CC2D2B: variants seen among roughly 807,000 people sequenced by gnomAD.
CC2D2B encodes protein CC2D2B.
In CC2D2B, 128 loss-of-function variants were observed where a neutral mutation model predicts 161.2. That is an observed-to-expected ratio of 0.79 (90% CI 0.69 to 0.92). The LOEUF is 0.92. Ranked by LOEUF, CC2D2B falls within the 40% of genes least tolerant of loss-of-function variation. The probability of loss-of-function intolerance (pLI) is 0.00; values close to 1 mark genes in which losing one functional copy is unlikely to be tolerated. For missense variants in CC2D2B, 1,173 were observed against 1,375.1 expected (o/e 0.85, Z 2.32); for synonymous variants, 391 against 449.8 (o/e 0.87, Z 1.65).
intron 31 of CC2D2B, 46 bp downstream of exon 31, chr10:96,019,383 C>A: frequency 1.3e-6 from 2 of 1,532,762 alleles, no homozygotes; most frequent in Non-Finnish European, 1.8e-6. Context: ...CCTCTAGAGT[C>A]ACCCTGGCTA....
intron 4 of CC2D2B, 77 bp downstream of exon 4, chr10:95,924,467 CAA>C: frequency 1.3e-6 from 1 of 772,308 alleles, no homozygotes; most frequent in Non-Finnish European, 2.1e-6. Flanking sequence ...TTTTCTTTGT[CAA>C]AAGAGCCGAA....
chr10:95,981,898 C>A, intron 17 of CC2D2B, 77 bp from the exon 18 acceptor site: 1 of 735,510 alleles, frequency 1.4e-6, no homozygotes, highest in Non-Finnish European at 1.9e-6. Flanking sequence ...TGTTTTTACC[C>A]TATATAACAG....
chr10:96,025,192 A>AAT (rs10524712), intron 33 of CC2D2B, among the ~76,000 whole-genome samples: 2,153 of 49,130 alleles, frequency 0.044, 155 homozygotes, highest in East Asian at 0.15. Context: ...TATAAAAAAA[A>AAT]ATATATATAT....
intron 9 of CC2D2B, 86 bp downstream of exon 9, chr10:95,939,011 C>G (rs999663997): frequency 1.7e-6 from 1 of 571,586 alleles, no homozygotes; most frequent in South Asian, 2.7e-5. Flanking sequence ...TTGATTTATC[C>G]TTTAAAGATA....
At chr10:96,008,912 CT>C (rs1245918480) in intron 25 of CC2D2B, among the ~76,000 whole-genome samples, 1 of 151,830 alleles carries the variant, frequency 6.6e-6, no homozygotes, top group Non-Finnish European at 1.5e-5. Flanking sequence ...TATCAACTTG[CT>C]TTTGATGTCA....
Position 95,922,041 on chromosome 10 carries a change from C to A in CC2D2B, c.62C>A (p.Thr21Lys). The A allele has an allele frequency of 6.5e-7, 1 of 1,543,388 alleles. No homozygotes were observed. The highest frequency in any genetic ancestry group is 8.8e-7 in the Non-Finnish European group (1 of 1,141,200). The change falls in exon 3 of 35, where the codon ACA (threonine) becomes AAA (lysine). Residue 21 changes from threonine (T) to lysine (K), a missense_variant. By Grantham distance (78) the Thr-to-Lys change is moderately conservative. Coordinates refer to ENST00000646931, the MANE Select transcript of CC2D2B (RefSeq NM_001349008.3). ...KKMSEEMDNI[T>K]AEEIIDKHLQ... ...ATGTCAGAAGAGATGGATAATATTA[C>A]AGCTGAAGAAATTATAGACAAGCAT...
chr10:96,002,233 G>C (rs557707380), intron 24 of CC2D2B, among the ~76,000 whole-genome samples: 1 of 152,242 alleles, frequency 6.6e-6, no homozygotes, highest in East Asian at 1.9e-4. Context: ...CAACCAAGTG[G>C]ATCAGAGGCT....
intron 22 of CC2D2B, among the ~76,000 whole-genome samples, chr10:95,993,828 A>T (rs2078055830): frequency 7.9e-6 from 1 of 126,006 alleles, no homozygotes; most frequent in Non-Finnish European, 1.6e-5. Context: ...TGTATATATA[A>T]AGAGTGTATA....
chr10:95,982,254 C>G, intron 18 of CC2D2B, 141 bp downstream of exon 18: 1 of 468,052 alleles, frequency 2.1e-6, no homozygotes, highest in Non-Finnish European at 3.4e-6. Context: ...GGACAGAGAC[C>G]ATTTTCAACC....
At chr10:96,017,445 C>T (rs568170147) in intron 30 of CC2D2B, among the ~76,000 whole-genome samples, 6 of 152,250 alleles carry the variant, frequency 3.9e-5, no homozygotes, top group African/African-American at 1.2e-4. Flanking sequence ...AGCGTTAGTA[C>T]CTGTGGACCA....
chr10:95,982,189 C>A, intron 18 of CC2D2B, 76 bp downstream of exon 18: 2 of 1,002,986 alleles, frequency 2.0e-6, no homozygotes, highest in South Asian at 5.2e-5. Context: ...TAGTTTCCCC[C>A]ATAGTTTGCT....
chr10:95,927,412 T>C, intron 6 of CC2D2B, 80 bp downstream of exon 6: 1 of 757,494 alleles, frequency 1.3e-6, no homozygotes, highest in Non-Finnish European at 2.2e-6. Flanking sequence ...AATGAAATAC[T>C]TGGACGGGAG....
intron 19 of CC2D2B, among the ~76,000 whole-genome samples, chr10:95,984,913 G>GTA (rs2077661418): frequency 6.6e-6 from 1 of 151,700 alleles, no homozygotes; most frequent in East Asian, 1.9e-4. Context: ...ACATGTGTGT[G>GTA]TATATATATT....
At chr10:96,025,184 TAAAAAA>T (rs1279667652) in intron 33 of CC2D2B, among the ~76,000 whole-genome samples, 28 of 20,622 alleles carry the variant, frequency 1.4e-3, no homozygotes, top group East Asian at 3.8e-3. Context: ...TATATATATA[TAAAAAA>T]AAATATATAT....
Position 96,013,818 on chromosome 10 carries a change from C to T in CC2D2B, c.3457C>T (p.Pro1153Ser), listed in dbSNP as rs1186428629. 5 of 1,603,210 alleles carry T rather than the reference C, an allele frequency of 3.1e-6. No homozygotes were observed. The highest frequency in any genetic ancestry group is 4.3e-6 in the Non-Finnish European group (5 of 1,174,014). The change falls in exon 29 of 35, where the codon CCT becomes TCT. Residue 1153 changes from proline to serine, a missense_variant. This residue lies in a region of CC2D2B where 598 missense variants were observed against 693.2 expected (regional missense o/e 0.86). Transcript: ENST00000646931. Reference sequence around the variant, plus strand: ...CATTGCTCGATTTGTATCTTTGATTCCTTTTGTGCCTAATACACCAGATGA... The same window carrying T: ...CATTGCTCGATTTGTATCTTTGATTTCTTTTGTGCCTAATACACCAGATGA... The part of the protein sequence containing the change: ...DLIARFVSLI[P>S]FVPNTPDEND...
rs530628192 is a variant in CC2D2B, at chr10:95,918,419, C to T, written c.37-3597C>T. 1.6e-4 allele frequency among the ~76,000 whole-genome samples: 24 copies of T among 152,288 alleles called. 1 individual carries two copies. Among genetic ancestry groups the T allele is most frequent in the African/African-American group, 5.5e-4 (23 of 41,562 alleles). ...AGGATAAAAATTTTTTCCTTCAGCA[C>T]GTTAAATAGATTCTGTCACTTTCTT... is the stretch of plus-strand genomic sequence containing the variant. On this transcript the variant is annotated intron_variant, in intron 2 of 34. Coordinates refer to ENST00000646931, the MANE Select transcript of CC2D2B (RefSeq NM_001349008.3).
At chr10:95,980,308 G>C (rs1204565134) in intron 17 of CC2D2B, among the ~76,000 whole-genome samples, 1 of 152,186 alleles carries the variant, frequency 6.6e-6, no homozygotes, top group African/African-American at 2.4e-5. Flanking sequence ...ACGTGTATAG[G>C]AGCAGCTGGG....
In CC2D2B at chr10:96,019,684, A is replaced by T; in HGVS notation, c.3766-18A>T. The T allele has an allele frequency of 1.3e-6, 2 of 1,562,812 alleles. No individual in the cohort carries two copies. Among genetic ancestry groups the T allele is most frequent in the Non-Finnish European group, 1.7e-6 (2 of 1,162,034 alleles). ...GTTCCTATGGACCTACACTAATGTT[A>T]TATTAATGTTTTCATAGGTCTGGTT... is the stretch of plus-strand genomic sequence containing the variant. On this transcript the variant is annotated intron_variant, in intron 31 of 34. Transcript: ENST00000646931.
intron 24 of CC2D2B, chr10:95,999,950 G>T: frequency 1.7e-6 from 1 of 584,410 alleles, no homozygotes; most frequent in Non-Finnish European, 3.0e-6. Context: ...AGCTATCTCA[G>T]CTCTTAGAGC....
Sources: allele counts gnomAD v4.1 joint callset (sites outside exome capture counted in the v4.1 genomes callset), GRCh38; gene constraint gnomAD v4.1.1; regional missense constraint gnomAD v4.1.1; transcripts MANE v1.5; gene names NCBI Gene and HGNC (gene_info 2026-07-23, HGNC 2026-07-21).